Variants in ARHGAP18 observed in about 807,000 individuals in gnomAD.
ARHGAP18 encodes rho GTPase-activating protein 18.
ARHGAP18 carries 67 observed loss-of-function variants against 86.2 expected under a neutral mutation model. The ratio of observed to expected loss-of-function variants is 0.78; its 90% CI spans 0.64 to 0.95. The LOEUF (loss-of-function observed/expected upper bound fraction) is 0.95. Ranked by LOEUF, ARHGAP18 falls within the 40% of genes least tolerant of loss-of-function variation. The probability of loss-of-function intolerance (pLI) is 0.00; values close to 1 mark genes in which losing one functional copy is unlikely to be tolerated. For missense variants in ARHGAP18, 691 were observed against 780.4 expected, an observed-to-expected ratio of 0.89 and a Z score of 1.37; for synonymous variants, 283 against 280.4, an observed-to-expected ratio of 1.01 and a Z score of -0.09.
chr6:129,636,759 T>C (rs957534804), intron 3 of ARHGAP18, among the ~76,000 whole-genome samples: 63 of 152,268 alleles, frequency 4.1e-4, no homozygotes, highest in Non-Finnish European at 2.2e-4. Flanking sequence ...GCGCCTGTAG[T>C]CCCAGCTACT....
At chr6:129,652,455 T>C (rs1219312013) in intron 1 of ARHGAP18, among the ~76,000 whole-genome samples, 1 of 152,238 alleles carries the variant, frequency 6.6e-6, no homozygotes, top group Non-Finnish European at 1.5e-5. Flanking sequence ...CCTGAAGACA[T>C]TTTCAGGGAT....
At chr6:129,604,336 C>T (rs534371965) in intron 10 of ARHGAP18, among the ~76,000 whole-genome samples, 2 of 152,006 alleles carry the variant, frequency 1.3e-5, no homozygotes, top group African/African-American at 4.8e-5. Flanking sequence ...GGGCAAAGCC[C>T]GAAGAAGAGT....
chr6:129,626,014 T>C (rs909737704), intron 5 of ARHGAP18, among the ~76,000 whole-genome samples: 5 of 114,622 alleles, frequency 4.4e-5, no homozygotes, highest in African/African-American at 1.6e-4. Context: ...CAAATATATA[T>C]ATCAAATATA....
At chr6:129,704,421 G>A (rs931642193) in intron 1 of ARHGAP18, among the ~76,000 whole-genome samples, 2 of 151,870 alleles carry the variant, frequency 1.3e-5, no homozygotes, top group Non-Finnish European at 2.9e-5. Flanking sequence ...CTCCAACCTG[G>A]GTGACACAGC....
chr6:129,676,367 T>A (rs991963660), intron 1 of ARHGAP18, among the ~76,000 whole-genome samples: 9 of 152,134 alleles, frequency 5.9e-5, no homozygotes, highest in African/African-American at 2.2e-4. Context: ...CATTAGAACC[T>A]ACATCACAGG....
intron 12 of ARHGAP18, among the ~76,000 whole-genome samples, chr6:129,586,819 G>C (rs1222668111): frequency 6.6e-6 from 1 of 152,088 alleles, no homozygotes; most frequent in Admixed American, 6.6e-5. Context: ...AAAAGGCCCA[G>C]CAGCACTCCA....
At chr6:129,580,044 A>C in intron 14 of ARHGAP18, 26 bp downstream of exon 14, 2 of 1,571,946 alleles carry the variant, frequency 1.3e-6, no homozygotes, top group Non-Finnish European at 1.7e-6. Flanking sequence ...AGCATATAAA[A>C]TGTAAAGAGA....
chr6:129,615,730 G>A (rs1266821606), intron 7 of ARHGAP18, among the ~76,000 whole-genome samples: 1 of 152,146 alleles, frequency 6.6e-6, no homozygotes. Context: ...ATGAATAACT[G>A]AGTGTTGACT....
chr6:129,579,982 T>A, intron 14 of ARHGAP18, 88 bp downstream of exon 14: 1 of 1,129,792 alleles, frequency 8.9e-7, no homozygotes, highest in South Asian at 1.4e-5. Flanking sequence ...TACTTCTAAT[T>A]TCCTGTTCTT....
intron 1 of ARHGAP18, among the ~76,000 whole-genome samples, chr6:129,655,337 A>AAAAAGAAAAG (rs1285546740): frequency 3.3e-4 from 33 of 98,664 alleles, no homozygotes; most frequent in South Asian, 6.0e-4. Flanking sequence ...AAAAAAAAAA[A>AAAAAGAAAAG]AAAAGAAAAG....
intron 3 of ARHGAP18, 106 bp downstream of exon 3, chr6:129,638,288 T>C: frequency 8.8e-7 from 1 of 1,142,122 alleles, no homozygotes; most frequent in South Asian, 1.3e-5. Flanking sequence ...GTGCCTGGCA[T>C]AGAATAGGTG....
rs369059237 is a variant in ARHGAP18, at chr6:129,625,098, T to TA, written c.786+4254dup. 3.1e-3 allele frequency among the ~76,000 whole-genome samples: 254 copies of TA among 80,648 alleles called. 22 individuals carry two copies. Among genetic ancestry groups the TA allele is most frequent in the Non-Finnish European group, 4.6e-3 (188 of 41,228 alleles). The allele number at this position is 80,648 out of a possible 152,430, so 52.9% of individuals were successfully genotyped here. A position where few individuals can be genotyped will look rare whatever the true frequency, so the allele number is the denominator to read the frequency against. ...AATATATATGATATATGATATATGATATATATTATATATTATATAGATATA... is the reference window on the plus strand; with the variant it reads ...AATATATATGATATATGATATATGATAATATATTATATATTATATAGATATA... On this transcript the variant is annotated intron_variant, in intron 5 of 14. Transcript: ENST00000368149.
intron 7 of ARHGAP18, among the ~76,000 whole-genome samples, chr6:129,612,823 A>T (rs1232980105): frequency 1.3e-5 from 2 of 152,188 alleles, no homozygotes; most frequent in East Asian, 3.9e-4. Flanking sequence ...AGATGCACTG[A>T]TATTGAGGAA....
chr6:129,610,285 G>A (rs1788949661), intron 8 of ARHGAP18, among the ~76,000 whole-genome samples: 1 of 152,198 alleles, frequency 6.6e-6, no homozygotes. Context: ...ATCCCCTGTA[G>A]GGTAATTCCA....
At chr6:129,618,921 A>T in intron 5 of ARHGAP18, 69 bp from the exon 6 acceptor site, 1 of 1,358,328 alleles carries the variant, frequency 7.4e-7, no homozygotes, top group Non-Finnish European at 1.0e-6. Flanking sequence ...CAGGAAGGAA[A>T]AACCAACTAC....
chr6:129,661,289 T>C (rs531404673), intron 1 of ARHGAP18, among the ~76,000 whole-genome samples: 37 of 123,750 alleles, frequency 3.0e-4, no homozygotes, highest in African/African-American at 1.1e-3. Context: ...GGAGTTCAAG[T>C]CCAGCCTGTG....
At chr6:129,621,314 A>G (rs541174074) in intron 5 of ARHGAP18, among the ~76,000 whole-genome samples, 2 of 152,316 alleles carry the variant, frequency 1.3e-5, no homozygotes, top group Admixed American at 6.5e-5. Flanking sequence ...ACTCAATTCA[A>G]AAGAGAGCCT....
chr6:129,701,603 C>T (rs1316656964), intron 1 of ARHGAP18, among the ~76,000 whole-genome samples: 1 of 152,080 alleles, frequency 6.6e-6, no homozygotes, highest in Non-Finnish European at 1.5e-5. Context: ...AACCCCATCT[C>T]TACTAAAAAT....
chr6:129,667,494 T>TGC (rs1447254034), intron 1 of ARHGAP18, among the ~76,000 whole-genome samples: 15 of 142,732 alleles, frequency 1.1e-4, no homozygotes, highest in African/African-American at 4.1e-4. Flanking sequence ...TGTGTGTGTG[T>TGC]GTGTGTGTGT....
Sources: allele counts gnomAD v4.1 joint callset (sites outside exome capture counted in the v4.1 genomes callset), GRCh38; gene constraint gnomAD v4.1.1; transcripts MANE v1.5; gene names NCBI Gene and HGNC (gene_info 2026-07-23, HGNC 2026-07-21).